The following RUFY1 variants were observed in gnomAD, a reference collection of about 807,000 sequenced individuals.
The protein encoded by RUFY1 is RUN and FYVE domain-containing protein 1.
Under a neutral mutation model 94.6 loss-of-function variants are expected in RUFY1, and 54 were observed. The ratio of observed to expected loss-of-function variants is 0.57; its 90% CI spans 0.46 to 0.72. RUFY1 has a LOEUF of 0.72. RUFY1 is among the 30% of genes least tolerant of loss of function. The pLI is 0.00. For synonymous variants in RUFY1, 396 were observed against 347.3 expected (o/e 1.14, Z -1.56); for missense variants, 883 against 883.9 (o/e 1.00, Z 0.01).
In RUFY1 at chr5:179,609,206, C is replaced by CAAA. The variant is rs5873655; in HGVS notation, c.1984-153_1984-151dup. 7.2e-4 allele frequency among the ~76,000 whole-genome samples: 88 copies of CAAA among 121,388 alleles called. 1 individual carries two copies. The highest frequency in any genetic ancestry group is 4.3e-3 in the East Asian group (17 of 3,930). 79.6% of individuals were successfully genotyped at this position (121,388 alleles called of 152,430 possible). On this transcript the variant is annotated intron_variant, in intron 17 of 17. Transcript: ENST00000319449. ...CGGGCGACTGAGCAAGACTCTATCT[C>CAAA]AAAAAAAAAAAAAAAAAAAGACCCT...
intron 17 of RUFY1, 65 bp downstream of exon 17, chr5:179,607,724 C>T: frequency 7.1e-7 from 1 of 1,409,030 alleles, no homozygotes; most frequent in Non-Finnish European, 1.0e-6. Context: ...TCCCCTTTCT[C>T]TGGTTCCAGA....
chr5:179,591,436 G>A lies in RUFY1; in HGVS notation c.1129-189G>A, dbSNP rs370384730. On this transcript the variant is annotated intron_variant, in intron 9 of 17. Transcript: ENST00000319449. Reference sequence around the variant, plus strand: ...CCTGACCTCGTGATCCGCCCGCCTCGGCCTCCCAAAGTGCTGGGATTACAG... The same window carrying A: ...CCTGACCTCGTGATCCGCCCGCCTCAGCCTCCCAAAGTGCTGGGATTACAG... Among the ~76,000 whole-genome samples, 57 of 152,120 alleles carry A rather than the reference G, an allele frequency of 3.7e-4. No individual in the cohort carries two copies. In the East Asian group the frequency reaches 9.7e-3, roughly 26 times the overall value.
At chr5:179,575,589 C>T (rs186794719) in intron 5 of RUFY1, among the ~76,000 whole-genome samples, 11 of 152,216 alleles carry the variant, frequency 7.2e-5, no homozygotes, top group Admixed American at 5.2e-4. Context: ...TTTTACTCAT[C>T]GAGACAGGCA....
Position 179,580,241 on chromosome 5 carries a change from G to GTATATATA in RUFY1, c.891-701_891-700insATATATAT, listed in dbSNP as rs1554118908. Among the ~76,000 whole-genome samples the GTATATATA allele has an allele frequency of 4.4e-3, 417 of 93,856 alleles. 8 individuals are homozygous for GTATATATA. The highest frequency in any genetic ancestry group is 8.1e-3 in the Non-Finnish European group (346 of 42,648). The allele number at this position is 93,856 out of a possible 152,430, so 61.6% of individuals were successfully genotyped here. A position where few individuals can be genotyped will look rare whatever the true frequency, so the allele number is the denominator to read the frequency against. ...TGTGTGTGTGTGTGTGTGTGTGTGT[G>GTATATATA]TATATTTTTTTTTTTTTTTGAGACG... On this transcript the variant is annotated intron_variant, in intron 6 of 17. Coordinates refer to ENST00000319449, the MANE Select transcript of RUFY1 (RefSeq NM_025158.5).
intron 6 of RUFY1, among the ~76,000 whole-genome samples, chr5:179,580,191 C>T (rs1226230261): frequency 6.9e-6 from 1 of 144,096 alleles, no homozygotes; most frequent in African/African-American, 2.5e-5. Flanking sequence ...TTTTTGTAAA[C>T]AAATCAAAAA....
At chr5:179,585,950 G>C in intron 8 of RUFY1, 85 bp downstream of exon 8, 1 of 1,057,574 alleles carries the variant, frequency 9.5e-7, no homozygotes, top group Non-Finnish European at 1.5e-6. Context: ...CGATAGCAGA[G>C]CTTCCTGCTG....
chr5:179,602,356 G>C (rs1766524046), intron 15 of RUFY1: 1 of 210,816 alleles, frequency 4.7e-6, no homozygotes, highest in South Asian at 9.3e-5. Flanking sequence ...CGGAAGCCTG[G>C]CACAGTAGAG....
intron 14 of RUFY1, among the ~76,000 whole-genome samples, chr5:179,599,058 A>G (rs975890080): frequency 3.1e-4 from 47 of 152,236 alleles, no homozygotes; most frequent in Admixed American, 3.1e-3. Context: ...AAAGCAGAAC[A>G]GTGTCCTCAC....
intron 11 of RUFY1, among the ~76,000 whole-genome samples, chr5:179,594,546 C>T (rs370252953): frequency 9.4e-6 from 1 of 106,072 alleles, no homozygotes; most frequent in Non-Finnish European, 2.0e-5. Context: ...CGGATCACGA[C>T]GTCAGGTGTT....
intron 12 of RUFY1, among the ~76,000 whole-genome samples, chr5:179,595,354 T>G (rs1765522141): frequency 1.3e-5 from 2 of 151,812 alleles, no homozygotes; most frequent in Admixed American, 6.6e-5. Context: ...GAAAGAAACT[T>G]CATCTCAAAA....
At chr5:179,589,711 A>C in intron 9 of RUFY1, 64 bp downstream of exon 9, 229 of 1,223,426 alleles carry the variant, frequency 1.9e-4, no homozygotes, top group Non-Finnish European at 2.6e-4. Context: ...TGTCAATCTC[A>C]AGCTCATGGC....
rs1244061158 is a variant in RUFY1, at chr5:179,550,729, A to G, written c.160A>G (p.Thr54Ala). The G allele has an allele frequency of 1.3e-5, 19 of 1,475,770 alleles. No individual in the cohort carries two copies. The highest frequency in any genetic ancestry group is 1.5e-5 in the Non-Finnish European group (17 of 1,117,226). The allele number at this position is 1,475,770 out of a possible 1,614,324, so 91.4% of individuals were successfully genotyped here. The change falls in exon 1 of 18, where the codon ACG becomes GCG. Residue 54 changes from threonine (T) to alanine (A), a missense_variant. By Grantham distance (58) the Thr-to-Ala change is moderately conservative (BLOSUM62 0). Transcript: ENST00000319449. ...CGGCCCAGGCGACCTGCGGAGCGCAACGAGGCCGCGGGCGGCCGAGGGCTG... is the reference window on the plus strand; with the variant it reads ...CGGCCCAGGCGACCTGCGGAGCGCAGCGAGGCCGCGGGCGGCCGAGGGCTG... ...LPGPGDLRSA[T>A]RPRAAEGWSA...
chr5:179,605,955 T>A, intron 16 of RUFY1, 31 bp downstream of exon 16: 6 of 1,475,444 alleles, frequency 4.1e-6, no homozygotes, highest in Non-Finnish European at 5.7e-6. Flanking sequence ...ACTTCTTTGC[T>A]GTCAGCTTGT....
chr5:179,598,268 C>T (rs1765886854), intron 13 of RUFY1: 1 of 167,388 alleles, frequency 6.0e-6, no homozygotes, highest in Non-Finnish European at 1.3e-5. Flanking sequence ...GAAGCTGTGG[C>T]GGGAGGATCA....
At position 179,565,211 on chromosome 5, in the gene RUFY1, T is replaced by C. The variant is rs1029756204; in HGVS notation, c.603-2250T>C. Among the ~76,000 whole-genome samples, 3 of 125,996 alleles carry C rather than the reference T, an allele frequency of 2.4e-5. No individual in the cohort carries two copies. In the Admixed American group the frequency reaches 3.0e-4, roughly 12 times the overall value. 82.7% of individuals were successfully genotyped at this position (125,996 alleles called of 152,430 possible). Reference sequence around the variant, plus strand: ...TTTTTTGAGACAGAGTCTCACTCTATCGCCCAGCCCAGGCTGGAGTGCAGT... The same window carrying C: ...TTTTTTGAGACAGAGTCTCACTCTACCGCCCAGCCCAGGCTGGAGTGCAGT... On this transcript the variant is annotated intron_variant, in intron 3 of 17. Transcript: ENST00000319449.
intron 9 of RUFY1, 54 bp downstream of exon 9, chr5:179,589,701 T>C: frequency 7.7e-7 from 1 of 1,296,976 alleles, no homozygotes; most frequent in Non-Finnish European, 1.1e-6. Flanking sequence ...ACACACCTAT[T>C]GTCAATCTCA....
chr5:179,591,376 G>C (rs1218072768), intron 9 of RUFY1, among the ~76,000 whole-genome samples: 2 of 151,276 alleles, frequency 1.3e-5, no homozygotes, highest in African/African-American at 2.4e-5. Flanking sequence ...AGTAGAGACG[G>C]GGTTTCACCA....
At position 179,550,816 on chromosome 5, in the gene RUFY1, AGCGCGCT is replaced by A; in HGVS notation, c.254_260del (p.Leu85ArgfsTer23). 1 of 1,275,500 alleles carries A rather than the reference AGCGCGCT, an allele frequency of 7.8e-7. No homozygotes were observed. The highest frequency in any genetic ancestry group is 9.9e-7 in the Non-Finnish European group (1 of 1,014,390). 79.0% of individuals were successfully genotyped at this position (1,275,500 alleles called of 1,614,324 possible). ...CGGGAACCTGTCGGCGAGCTGCGGG[AGCGCGCT>A]GCGCGCGGCCGCGGGGCTGGGCGGC... On this transcript the variant is annotated frameshift_variant, in exon 1 of 18. Transcript: ENST00000319449. LOFTEE classifies it high-confidence loss of function.
At chr5:179,586,140 A>C (rs967490780) in intron 8 of RUFY1, among the ~76,000 whole-genome samples, 3 of 152,156 alleles carry the variant, frequency 2.0e-5, no homozygotes, top group Admixed American at 6.6e-5. Context: ...GGAAGAGCCC[A>C]GCTTGTGTTG....
Sources: allele counts gnomAD v4.1 joint callset (sites outside exome capture counted in the v4.1 genomes callset), GRCh38; gene constraint gnomAD v4.1.1; transcripts MANE v1.5; gene names NCBI Gene and HGNC (gene_info 2026-07-23, HGNC 2026-07-21).